Variants in MTMR8 observed in about 807,000 individuals in gnomAD.
The protein encoded by MTMR8 is myotubularin related protein 8.
A neutral mutation model predicts 39.3 loss-of-function variants in MTMR8; 65 were observed. The observed-to-expected ratio is 1.65, with a 90% CI of 1.35 to 2.03. The LOEUF (loss-of-function observed/expected upper bound fraction) is 2.03, where lower values mean the gene tolerates loss of function less well. Ranked by LOEUF, MTMR8 falls within the 30% of genes most tolerant of loss-of-function variation. MTMR8 has a pLI of 0.00. For synonymous variants in MTMR8, 245 were observed against 185.2 expected (o/e 1.32, Z -2.62); for missense variants, 777 against 538.9 (o/e 1.44, Z -4.37).
intron 8 of MTMR8, among the ~76,000 whole-genome samples, chrX:64,340,987 T>A (rs1280398204): frequency 8.9e-6 from 1 of 112,132 alleles, no homozygotes; most frequent in African/African-American, 3.2e-5. Flanking sequence ...ATTCATACTC[T>A]TTGACACAGA....
Position 64,286,958 on chromosome X carries a change from G to T in MTMR8, c.1482-15885C>A, listed in dbSNP as rs1046975893. Reference sequence around the variant, plus strand: ...ATTCAACATAGTGTTGGAAGTTCTGGCCAGGGCAATCAGGCAGAAGAAAGA... The same window carrying T: ...ATTCAACATAGTGTTGGAAGTTCTGTCCAGGGCAATCAGGCAGAAGAAAGA... On this transcript the variant is annotated intron_variant, in intron 12 of 13. Transcript: ENST00000374852. Among the ~76,000 whole-genome samples, 43 of 111,384 alleles carry T rather than the reference G, an allele frequency of 3.9e-4. No individual in the cohort carries two copies. The East Asian group carries it at 5.1e-3, about 13-fold the overall frequency.
intron 1 of MTMR8, among the ~76,000 whole-genome samples, chrX:64,392,577 C>A (rs1331580923): frequency 9.4e-6 from 1 of 105,837 alleles, no homozygotes; most frequent in Non-Finnish European, 1.9e-5. Flanking sequence ...TAGTAATGTT[C>A]TTTTTTTTGT....
At position 64,328,781 on chromosome X, in the gene MTMR8, T is replaced by C. The variant is rs1922865355; in HGVS notation, c.1472A>G (p.Tyr491Cys). 1.7e-6 allele frequency: 2 copies of C among 1,164,008 alleles called. No homozygotes were observed. Among genetic ancestry groups the C allele is most frequent in the Non-Finnish European group, 2.3e-6 (2 of 875,975 alleles). The change falls in exon 12 of 14, where the codon TAC (tyrosine) becomes TGC (cysteine). Residue 491 changes from tyrosine to cysteine, a missense_variant. By Grantham distance (194) the Tyr-to-Cys change is radical (BLOSUM62 -2). Transcript: ENST00000374852. ...AAACTTAAGAACTTACTGAATGTTG[T>C]AGGGCACAGTACTAGGATTGAGTAC... ...YGVLNPSTVP[Y>C]NIQFWCGMYN...
intron 1 of MTMR8, among the ~76,000 whole-genome samples, chrX:64,387,930 T>C (rs981962432): frequency 1.0e-4 from 11 of 110,535 alleles, no homozygotes. Flanking sequence ...AGATTTTAAT[T>C]CCCAGGCAGG....
At chrX:64,334,579 A>AC (rs1569222856) in intron 10 of MTMR8, among the ~76,000 whole-genome samples, 1 of 105,418 alleles carries the variant, frequency 9.5e-6, no homozygotes, top group African/African-American at 3.4e-5. Context: ...TTAAAAAAAA[A>AC]AAAAAAAAAA....
chrX:64,285,921 G>A (rs762455526), intron 12 of MTMR8, among the ~76,000 whole-genome samples: 5 of 111,135 alleles, frequency 4.5e-5, no homozygotes, highest in East Asian at 2.8e-4. Flanking sequence ...AAGAACTAGA[G>A]AAACAAGAAC....
At chrX:64,356,361 C>T (rs749980876) in intron 2 of MTMR8, 23 bp from the exon 3 acceptor site, 27 of 1,179,529 alleles carry the variant, frequency 2.3e-5, no homozygotes, top group Admixed American at 7.1e-5. Flanking sequence ...AAAGAACCAG[C>T]GTAAACATAC....
intron 10 of MTMR8, among the ~76,000 whole-genome samples, chrX:64,333,959 C>T (rs1397188392): frequency 8.9e-6 from 1 of 111,753 alleles, no homozygotes; most frequent in African/African-American, 3.3e-5. Flanking sequence ...ACTTCATGGA[C>T]TTCATTCTTC....
intron 12 of MTMR8, among the ~76,000 whole-genome samples, chrX:64,302,784 C>G (rs987293938): frequency 6.2e-5 from 7 of 112,293 alleles, no homozygotes; most frequent in Middle Eastern, 4.6e-3. Context: ...TACCCATAGA[C>G]AAGAAAAACT....
At chrX:64,297,755 T>C (rs943149634) in intron 12 of MTMR8, among the ~76,000 whole-genome samples, 3 of 110,595 alleles carry the variant, frequency 2.7e-5, no homozygotes, top group Admixed American at 9.7e-5. Flanking sequence ...AATTGATTTT[T>C]GTATAAGGTG....
intron 8 of MTMR8, among the ~76,000 whole-genome samples, chrX:64,339,807 G>A (rs978046863): frequency 2.7e-5 from 3 of 109,916 alleles, no homozygotes; most frequent in Non-Finnish European, 5.7e-5. Context: ...AAAGAAGTCG[G>A]TAAGGATAAT....
chrX:64,335,917 T>A (rs927143353), intron 10 of MTMR8, among the ~76,000 whole-genome samples, 162 bp downstream of exon 10: 3 of 112,453 alleles, frequency 2.7e-5, no homozygotes, highest in Non-Finnish European at 5.6e-5. Flanking sequence ...GTCACCTTAG[T>A]GCCCTAGCAT....
At chrX:64,322,156 G>C (rs747938068) in intron 12 of MTMR8, among the ~76,000 whole-genome samples, 7 of 108,410 alleles carry the variant, frequency 6.5e-5, no homozygotes, top group Non-Finnish European at 1.1e-4. Context: ...TCATTCTCCT[G>C]CCTCATTTTT....
chrX:64,289,410 T>C (rs755628093), intron 12 of MTMR8, among the ~76,000 whole-genome samples: 10 of 110,156 alleles, frequency 9.1e-5, no homozygotes, highest in African/African-American at 3.0e-4. Flanking sequence ...AATCCAGAAA[T>C]TCCACTTCCA....
chrX:64,312,827 A>C (rs1045984208), intron 12 of MTMR8, among the ~76,000 whole-genome samples: 3 of 112,306 alleles, frequency 2.7e-5, no homozygotes, highest in Non-Finnish European at 5.6e-5. Flanking sequence ...TCTCCATAAG[A>C]GCTCCTAGAT....
intron 1 of MTMR8, among the ~76,000 whole-genome samples, chrX:64,382,738 G>T: frequency 9.0e-6 from 1 of 111,429 alleles, no homozygotes; most frequent in Non-Finnish European, 1.9e-5. Context: ...TTGGCTGTGG[G>T]TTTGTCATAG....
chrX:64,284,488 T>A (rs1194017150), intron 12 of MTMR8, among the ~76,000 whole-genome samples: 2 of 111,116 alleles, frequency 1.8e-5, no homozygotes, highest in Non-Finnish European at 3.8e-5. Context: ...ACAAAGATAC[T>A]CTTCGAGAAG....
Position 64,268,415 on chromosome X carries a change from G to T in MTMR8, c.*122C>A. 2.4e-6 allele frequency: 2 copies of T among 822,996 alleles called. No individual in the cohort carries two copies. Among genetic ancestry groups the T allele is most frequent in the Non-Finnish European group, 3.4e-6 (2 of 586,015 alleles). The allele number at this position is 822,996 out of a possible 1,213,427, so 67.8% of individuals were successfully genotyped here. On this transcript the variant is annotated 3_prime_UTR_variant, in exon 14 of 14. Coordinates refer to ENST00000374852, the MANE Select transcript of MTMR8 (RefSeq NM_017677.4). ...AAGTAATTCCCTTCCAGACTTAAGT[G>T]GGGAGAGGGGTGCCCTGGCTTCACC...
chrX:64,366,338 T>C (rs924378327), intron 1 of MTMR8, among the ~76,000 whole-genome samples: 3 of 111,706 alleles, frequency 2.7e-5, no homozygotes, highest in Non-Finnish European at 3.8e-5. Flanking sequence ...TATTCCAAAA[T>C]TGACCACATA....
Sources: allele counts gnomAD v4.1 joint callset (sites outside exome capture counted in the v4.1 genomes callset), GRCh38; gene constraint gnomAD v4.1.1; transcripts MANE v1.5; gene names NCBI Gene and HGNC (gene_info 2026-07-23, HGNC 2026-07-21).